PRPF8: variants seen among roughly 807,000 people sequenced by gnomAD.
PRPF8 encodes pre-mRNA-processing-splicing factor 8.
A neutral mutation model predicts 285.9 loss-of-function variants in PRPF8; 64 were observed. That is an observed-to-expected ratio of 0.22 (90% CI 0.18 to 0.28). The LOEUF (loss-of-function observed/expected upper bound fraction) is 0.28, where lower values mean the gene tolerates loss of function less well. PRPF8 is among the 10% of genes least tolerant of loss of function. PRPF8 has a pLI of 1.00. For synonymous variants in PRPF8, 1,325 were observed against 1,118.2 expected (o/e 1.18, Z -3.69); for missense variants, 1,426 against 3,026.7 (o/e 0.47, Z 12.41).
chr17:1,653,226 C>G lies in PRPF8; in HGVS notation c.6369+316G>C, dbSNP rs114309045. 1,790 of 489,670 alleles carry G rather than the reference C, an allele frequency of 3.7e-3. 20 individuals carry two copies. The highest frequency in any genetic ancestry group is 0.031 in the African/African-American group (1,584 of 51,490). 30.3% of individuals were successfully genotyped at this position (489,670 alleles called of 1,614,324 possible). On this transcript the variant is annotated intron_variant, in intron 39 of 42. Coordinates refer to ENST00000304992, the MANE Select transcript of PRPF8 (RefSeq NM_006445.4). The surrounding 1 kb of genome is among the most constrained non-coding windows in gnomAD (Gnocchi z 4.9). The stretch of plus-strand genomic sequence containing the variant: ...AAGTGCTGGGATTATAGGCATTAGC[C>G]ACTGTGCCCAGCCGAGTGTTGGGAT...
chr17:1,684,769 C>G lies in PRPF8; in HGVS notation c.-12+11G>C. 3.2e-6 allele frequency: 2 copies of G among 631,674 alleles called. 1 individual carries two copies. The highest frequency in any genetic ancestry group is 3.6e-5 in the South Asian group (2 of 55,750). The allele number at this position is 631,674 out of a possible 1,614,324, so 39.1% of individuals were successfully genotyped here. On this transcript the variant is annotated intron_variant, in intron 1 of 42. Coordinates refer to ENST00000304992, the MANE Select transcript of PRPF8 (RefSeq NM_006445.4). ...CCTCCCGCAGCCCGGCCTTAAACGC[C>G]TGCCACGCACCCCACAGGCCCTCAC...
chr17:1,680,097 C>T (rs1912822917), intron 8 of PRPF8, among the ~76,000 whole-genome samples: 1 of 152,174 alleles, frequency 6.6e-6, no homozygotes, highest in Non-Finnish European at 1.5e-5. Context: ...CACCCAAGCT[C>T]CAAACACTGG....
chr17:1,664,683 AAACT>A (rs1324230318), intron 24 of PRPF8, among the ~76,000 whole-genome samples: 1 of 152,170 alleles, frequency 6.6e-6, no homozygotes, highest in African/African-American at 2.4e-5. Context: ...ACATTTTTTA[AAACT>A]AAGATCATAT....
Position 1,676,481 on chromosome 17 carries a change from C to G in PRPF8, c.2388+24G>C. ...TTGCCCACTCCCCCACCACTCACAC[C>G]CAGCCCAGCCTACTCTGCCCAACCT... On this transcript the variant is annotated intron_variant, in intron 16 of 42. Coordinates refer to ENST00000304992, the MANE Select transcript of PRPF8 (RefSeq NM_006445.4). The surrounding 1 kb of genome is among the most constrained non-coding windows in gnomAD (Gnocchi z 6.3). 1 of 1,614,092 alleles carries G rather than the reference C, an allele frequency of 6.2e-7. No individual in the cohort carries two copies. The highest frequency in any genetic ancestry group is 8.5e-7 in the Non-Finnish European group (1 of 1,180,016).
intron 24 of PRPF8, among the ~76,000 whole-genome samples, chr17:1,670,539 T>C (rs372219197): frequency 2.4e-4 from 37 of 152,286 alleles, no homozygotes; most frequent in African/African-American, 8.2e-4. Context: ...CAGGCTGGAG[T>C]GCACTGGTGG....
chr17:1,679,498 T>C lies in PRPF8; in HGVS notation c.1290-88A>G. 1.9e-6 allele frequency: 3 copies of C among 1,579,054 alleles called. No homozygotes were observed. Among genetic ancestry groups the C allele is most frequent in the East Asian group, 4.5e-5 (2 of 44,792 alleles). ...CAAGCCTTGGGTTGTCTACCATTTT[T>C]ATGGGAAAAAAAAAAAAAGAATTTA... On this transcript the variant is annotated intron_variant, in intron 9 of 42. Transcript: ENST00000304992. The surrounding 1 kb of genome is among the most constrained non-coding windows in gnomAD (Gnocchi z 4.7).
Position 1,659,388 on chromosome 17 carries a change from T to C in PRPF8, c.5107A>G (p.Ile1703Val), listed in dbSNP as rs1235335513. Residue 1703 changes from isoleucine to valine, a missense_variant, in exon 32 of 43, where the codon ATC (isoleucine) becomes GTC (valine). By Grantham distance (29) the Ile-to-Val change is conservative (BLOSUM62 3). Around this residue, in one of 34 missense-constraint regions of PRPF8, gnomAD observed 74 missense variants for 161.8 expected, o/e 0.46. Coordinates refer to ENST00000304992, the MANE Select transcript of PRPF8 (RefSeq NM_006445.4). This position sits in a 1 kb window ranked among gnomAD's most constrained non-coding sequence, Gnocchi z 5.1. The part of the protein sequence containing the change: ...SIYPSPTGVL[I>V]AIDLAYNLHS... ...AAGTTATAGGCCAGGTCAATGGCGA[T>C]GAGTACACCTGTGGGCGAAGGGTAG... The C allele has an allele frequency of 1.9e-6, 3 of 1,613,974 alleles. No individual in the cohort carries two copies. Among genetic ancestry groups the C allele is most frequent in the Non-Finnish European group, 1.7e-6 (2 of 1,180,032 alleles).
At chr17:1,682,098 C>T (rs201649404) in intron 4 of PRPF8, 31 bp downstream of exon 4, 2 of 1,613,622 alleles carry the variant, frequency 1.2e-6, no homozygotes, top group East Asian at 4.5e-5. Context: ...ACCACCACCA[C>T]CACCACCCAC....
chr17:1,683,561 A>T lies in PRPF8; in HGVS notation c.241T>A (p.Phe81Ile). The part of the protein sequence containing the change: ...RDHGDMTNRK[F>I]RHDKRVYLGA... ...AAGTAAACCCTTTTGTCATGGCGGA[A>T]CTTCCTGTTGGTCATGTCTCCATGG... The change falls in exon 3 of 43, where the codon TTC (phenylalanine) becomes ATC (isoleucine). Residue 81 changes from phenylalanine (F) to isoleucine (I), a missense_variant. Physicochemically the swap from Phe to Ile is conservative, Grantham distance 21. Transcript: ENST00000304992. The T allele has an allele frequency of 6.2e-7, 1 of 1,614,186 alleles. No homozygotes were observed. Among genetic ancestry groups the T allele is most frequent in the Non-Finnish European group, 8.5e-7 (1 of 1,180,028 alleles).
chr17:1,675,920 T>C lies in PRPF8; in HGVS notation c.2679+8A>G. ...AACCAAAAAGAAAACTTGGGAGGCC[T>C]CACTCACCTCTTTGAAGGCTCTCTG... On this transcript the variant is annotated splice_region_variant and intron_variant, in intron 18 of 42. Transcript: ENST00000304992. The surrounding 1 kb of genome is among the most constrained non-coding windows in gnomAD (Gnocchi z 6.0). 1 of 1,614,132 alleles carries C rather than the reference T, an allele frequency of 6.2e-7. No individual in the cohort carries two copies. The highest frequency in any genetic ancestry group is 8.5e-7 in the Non-Finnish European group (1 of 1,180,018).
chr17:1,670,776 C>G (rs745401165), intron 24 of PRPF8, among the ~76,000 whole-genome samples: 3 of 152,136 alleles, frequency 2.0e-5, no homozygotes, highest in Non-Finnish European at 2.9e-5. Flanking sequence ...CGTGAGCCCC[C>G]GCGCCTGGCC....
intron 24 of PRPF8, among the ~76,000 whole-genome samples, chr17:1,664,690 G>A (rs990005022): frequency 2.0e-5 from 3 of 151,776 alleles, no homozygotes; most frequent in Non-Finnish European, 2.9e-5. Flanking sequence ...TTAAAACTAA[G>A]ATCATATACA....
At chr17:1,672,674 G>A (rs756532201) in intron 24 of PRPF8, among the ~76,000 whole-genome samples, 4 of 152,026 alleles carry the variant, frequency 2.6e-5, no homozygotes, top group Non-Finnish European at 5.9e-5. Context: ...CCTTCGGCTG[G>A]GCCTCTGAAG....
In PRPF8 at chr17:1,683,719, T is replaced by A. The variant is rs761711970; in HGVS notation, c.101-18A>T. On this transcript the variant is annotated intron_variant, in intron 2 of 42. Transcript: ENST00000304992. ...TTTTCGAGCTGGAAAGGCACCTCAG[T>A]TTAAAGGCCTGCACACCCTCCCCCT... 1 of 1,613,232 alleles carries A rather than the reference T, an allele frequency of 6.2e-7. No homozygotes were observed. The highest frequency in any genetic ancestry group is 8.5e-7 in the Non-Finnish European group (1 of 1,179,946).
rs1912617850 is a variant in PRPF8 at position 1,676,698 on chromosome 17, G to A, written c.2195C>T (p.Pro732Leu). ...ANIPWKVPGL[P>L]TPIENMILRY... Reference sequence around the variant, plus strand: ...AAGGATCATATTCTCTATGGGCGTCGGCAGCCCAGGGACCTAAAAGTCCAA... The same window carrying A: ...AAGGATCATATTCTCTATGGGCGTCAGCAGCCCAGGGACCTAAAAGTCCAA... Residue 732 changes from proline (P) to leucine (L), a missense_variant, in exon 16 of 43, where the codon CCG becomes CTG. By Grantham distance (98) the Pro-to-Leu change is moderately conservative. This residue lies in a region of PRPF8 where 30 missense variants were observed against 61.0 expected (regional missense o/e 0.49). Coordinates refer to ENST00000304992, the MANE Select transcript of PRPF8 (RefSeq NM_006445.4). This position sits in a 1 kb window ranked among gnomAD's most constrained non-coding sequence, Gnocchi z 6.3. 6.2e-7 allele frequency: 1 copy of A among 1,613,982 alleles called. No homozygotes were observed. The highest frequency in any genetic ancestry group is 8.5e-7 in the Non-Finnish European group (1 of 1,180,024).
chr17:1,663,955 C>A (rs1911814909), intron 24 of PRPF8, among the ~76,000 whole-genome samples: 1 of 152,060 alleles, frequency 6.6e-6, no homozygotes, highest in Non-Finnish European at 1.5e-5. Flanking sequence ...ACCTAATAAT[C>A]CTAAATACAT....
intron 36 of PRPF8, among the ~76,000 whole-genome samples, chr17:1,655,843 G>T (rs1018472098): frequency 9.3e-5 from 14 of 151,308 alleles, no homozygotes; most frequent in African/African-American, 3.4e-4. Context: ...AGCCAGGATG[G>T]TCTCAATCTC....
Position 1,651,644 on chromosome 17 carries a change from T to G in PRPF8, c.6510+4A>C. 6.2e-7 allele frequency: 1 copy of G among 1,614,136 alleles called. No individual in the cohort carries two copies. The highest frequency in any genetic ancestry group is 1.7e-5 in the Admixed American group (1 of 60,024). On this transcript the variant is annotated splice_donor_region_variant and intron_variant, in intron 40 of 42. Coordinates refer to ENST00000304992, the MANE Select transcript of PRPF8 (RefSeq NM_006445.4). This position sits in a 1 kb window ranked among gnomAD's most constrained non-coding sequence, Gnocchi z 5.1. ...CACTCCCAGGCTCCATCACTCCCCA[T>G]TACCTTGAGGTACTCATGCTGGGGC...
chr17:1,681,967 A>C lies in PRPF8; in HGVS notation c.506T>G (p.Phe169Cys). 1 of 1,613,834 alleles carries C rather than the reference A, an allele frequency of 6.2e-7. No individual in the cohort carries two copies. The highest frequency in any genetic ancestry group is 8.5e-7 in the Non-Finnish European group (1 of 1,179,956). The change falls in exon 5 of 43, where the codon TTT becomes TGT. Residue 169 changes from phenylalanine (F) to cysteine (C), a missense_variant. By Grantham distance (205) the Phe-to-Cys change is radical. Transcript: ENST00000304992. ...GTCCAAGGGCGGCTCCTCATCATCA[A>C]AAGGGGGAAAACGCATCCTCTTGAA... ...RHFKRMRFPP[F>C]DDEEPPLDYA...
Sources: allele counts gnomAD v4.1 joint callset (sites outside exome capture counted in the v4.1 genomes callset), GRCh38; gene constraint gnomAD v4.1.1; regional missense constraint gnomAD v4.1.1; non-coding constraint Gnocchi (gnomAD v3.1); transcripts MANE v1.5; gene names NCBI Gene and HGNC (gene_info 2026-07-23, HGNC 2026-07-21).